The following THBS1 variants were observed in gnomAD, a reference collection of about 807,000 sequenced individuals.
THBS1 encodes thrombospondin-1.
A neutral mutation model predicts 126.1 loss-of-function variants in THBS1; 29 were observed. That is an observed-to-expected ratio of 0.23 (90% CI 0.17 to 0.31). The LOEUF is 0.31. THBS1 is among the 10% of genes least tolerant of loss of function. The probability of loss-of-function intolerance (pLI) is 1.00; values close to 1 mark genes in which losing one functional copy is unlikely to be tolerated. For synonymous variants in THBS1, 496 were observed against 577.8 expected, an observed-to-expected ratio of 0.86 and a Z score of 2.03; for missense variants, 1,198 against 1,545.2, an observed-to-expected ratio of 0.78 and a Z score of 3.77.
intron 7 of THBS1, among the ~76,000 whole-genome samples, chr15:39,586,256 T>A (rs747673634): frequency 2.6e-5 from 4 of 152,066 alleles, no homozygotes; most frequent in Non-Finnish European, 5.9e-5. Flanking sequence ...AAACACACCC[T>A]TGTCACAGCT....
Position 39,585,492 on chromosome 15 carries a change from A to C in THBS1, c.1049A>C (p.Lys350Thr). 1 of 1,614,182 alleles carries C rather than the reference A, an allele frequency of 6.2e-7. No individual in the cohort carries two copies. Residue 350 changes from lysine (K) to threonine (T), a missense_variant, in exon 7 of 22, where the codon AAG becomes ACG. Physicochemically the swap from Lys to Thr is moderately conservative, Grantham distance 78. Around this residue, in one of 4 missense-constraint regions of THBS1, gnomAD observed 663 missense variants for 860.1 expected, o/e 0.77. Coordinates refer to ENST00000260356, the MANE Select transcript of THBS1 (RefSeq NM_003246.4). ...CAGAACTCAGTTACCATCTGCAAAA[A>C]GGTGTCCTGCCCCATCATGCCCTGC... The part of the protein sequence containing the change: ...HCQNSVTICK[K>T]VSCPIMPCSN...
At chr15:39,591,443 A>T in intron 15 of THBS1, 62 bp from the exon 16 acceptor site, 3 of 1,609,614 alleles carry the variant, frequency 1.9e-6, no homozygotes, top group Non-Finnish European at 2.5e-6. Flanking sequence ...ATTAGTATGC[A>T]CTTTGGTGGA....
At position 39,589,945 on chromosome 15, in the gene THBS1, C is replaced by T. The variant is rs747173325; in HGVS notation, c.2067C>T (p.Cys689=). The change falls in exon 13 of 22, where the codon TGC becomes TGT. Residue 689 remains cysteine, a synonymous_variant. Coordinates refer to ENST00000260356, the MANE Select transcript of THBS1 (RefSeq NM_003246.4). This position sits in a 1 kb window ranked among gnomAD's most constrained non-coding sequence, Gnocchi z 4.7. ...KPGYAGNGII[C]GEDTDLDGWP... is the part of the protein sequence containing the mutation. The stretch of plus-strand genomic sequence containing the variant: ...GCTACGCTGGCAATGGCATCATCTG[C>T]GGGGAGGACACAGACCTGGATGGCT... The T allele has an allele frequency of 1.6e-5, 26 of 1,613,904 alleles. No homozygotes were observed. The highest frequency in any genetic ancestry group is 6.6e-5 in the South Asian group (6 of 91,042).
chr15:39,589,447 AC>A lies in THBS1; in HGVS notation c.1926+95del. On this transcript the variant is annotated intron_variant, in intron 12 of 21. Transcript: ENST00000260356. This position sits in a 1 kb window ranked among gnomAD's most constrained non-coding sequence, Gnocchi z 4.7. Reference sequence around the variant, plus strand: ...GGAGGAATGTAATTTCATACCCTTCACCAAAAAAAAAAGGGCGAGGAGATGA... The same window carrying A: ...GGAGGAATGTAATTTCATACCCTTCACAAAAAAAAAAGGGCGAGGAGATGA... 6.8e-7 allele frequency: 1 copy of A among 1,472,646 alleles called. No individual in the cohort carries two copies. The highest frequency in any genetic ancestry group is 2.4e-5 in the East Asian group (1 of 42,482). 91.2% of individuals were successfully genotyped at this position (1,472,646 alleles called of 1,614,324 possible).
Position 39,596,238 on chromosome 15 carries a change from C to A in THBS1, c.*869C>A. 6.0e-6 allele frequency: 1 copy of A among 166,592 alleles called. No individual in the cohort carries two copies. Among genetic ancestry groups the A allele is most frequent in the Non-Finnish European group, 1.3e-5 (1 of 76,664 alleles). 10.3% of individuals were successfully genotyped at this position (166,592 alleles called of 1,614,324 possible). ...AGCTGCCTCCCAAAGGAGGGGCAGC[C>A]GTGCTTATATTTTTATGGTTACAAT... On this transcript the variant is annotated 3_prime_UTR_variant, in exon 22 of 22. Coordinates refer to ENST00000260356, the MANE Select transcript of THBS1 (RefSeq NM_003246.4).
chr15:39,589,403 A>G lies in THBS1; in HGVS notation c.1926+49A>G. 1 of 1,601,694 alleles carries G rather than the reference A, an allele frequency of 6.2e-7. No individual in the cohort carries two copies. The highest frequency in any genetic ancestry group is 8.5e-7 in the Non-Finnish European group (1 of 1,173,120). On this transcript the variant is annotated intron_variant, in intron 12 of 21. Transcript: ENST00000260356. The surrounding 1 kb of genome is among the most constrained non-coding windows in gnomAD (Gnocchi z 4.7). ...CCAGAGGACAGGAGAGCTGTCCTTGACCAAAATAACTGGGAGCGGGAGGAA... is the reference window on the plus strand; with the variant it reads ...CCAGAGGACAGGAGAGCTGTCCTTGGCCAAAATAACTGGGAGCGGGAGGAA...
rs1890476575 is a variant in THBS1, at chr15:39,597,280, G to GGTTTTTTTTTTTTTTTTTTTTT, written c.*1911_*1912insGTTTTTTTTTTTTTTTTTTTTT. ...GTTGGTTTTTTCTTTTTTTTGTTTT[G>GGTTTTTTTTTTTTTTTTTTTTT]TTTTTTTTTTTTTTTTTTTTTGCTT... On this transcript the variant is annotated 3_prime_UTR_variant, in exon 22 of 22. Coordinates refer to ENST00000260356, the MANE Select transcript of THBS1 (RefSeq NM_003246.4). The GGTTTTTTTTTTTTTTTTTTTTT allele has an allele frequency of 4.2e-5, 2 of 48,044 alleles. No homozygotes were observed. The highest frequency in any genetic ancestry group is 7.9e-5 in the Non-Finnish European group (2 of 25,238). The allele number at this position is 48,044 out of a possible 1,614,324, so 3.0% of individuals were successfully genotyped here.
intron 15 of THBS1, 71 bp downstream of exon 15, chr15:39,591,421 C>T: frequency 6.2e-7 from 1 of 1,603,054 alleles, no homozygotes; most frequent in Non-Finnish European, 8.5e-7. Context: ...GTACTTCTGT[C>T]TAGTCCTGGC....
At position 39,595,694 on chromosome 15, in the gene THBS1, T is replaced by A; in HGVS notation, c.*325T>A. 2 of 537,532 alleles carry A rather than the reference T, an allele frequency of 3.7e-6. No homozygotes were observed. Among genetic ancestry groups the A allele is most frequent in the Non-Finnish European group, 7.1e-6 (2 of 280,306 alleles). 33.3% of individuals were successfully genotyped at this position (537,532 alleles called of 1,614,324 possible). A position where few individuals can be genotyped will look rare whatever the true frequency, so the allele number is the denominator to read the frequency against. On this transcript the variant is annotated 3_prime_UTR_variant, in exon 22 of 22. Transcript: ENST00000260356. ...GCCTTTGTCACAGAGCAGGGTGCTA[T>A]TGTGAGGCCATCTCTGAGCAGTGGA...
intron 14 of THBS1, chr15:39,590,862 A>T: frequency 5.5e-6 from 3 of 542,872 alleles, no homozygotes; most frequent in Non-Finnish European, 9.7e-6. Context: ...AGAAATTATA[A>T]TGCATAAACA....
At chr15:39,590,480 C>G (rs1034449470) in intron 13 of THBS1, 36 bp from the exon 14 acceptor site, 1 of 1,524,238 alleles carries the variant, frequency 6.6e-7, no homozygotes, top group African/African-American at 1.4e-5. Context: ...ATGAGGAAGG[C>G]AACTGAAGCA....
chr15:39,583,905 A>G, intron 4 of THBS1, 83 bp from the exon 5 acceptor site: 1 of 1,530,192 alleles, frequency 6.5e-7, no homozygotes, highest in Non-Finnish European at 8.9e-7. Context: ...TTCACACCAA[A>G]TGAAACGTCT....
chr15:39,592,873 A>T lies in THBS1; in HGVS notation c.2767+71A>T. On this transcript the variant is annotated intron_variant, in intron 17 of 21. Transcript: ENST00000260356. This position sits in a 1 kb window ranked among gnomAD's most constrained non-coding sequence, Gnocchi z 4.3. ...CTGTGTAGATTGAAGAAATGAAACC[A>T]AGGCTCAAAGCATTTGACAGGATGA... 1 of 1,561,372 alleles carries T rather than the reference A, an allele frequency of 6.4e-7. No homozygotes were observed. The highest frequency in any genetic ancestry group is 1.2e-5 in the South Asian group (1 of 85,310).
rs577659525 is a variant in THBS1, at chr15:39,593,988, C to G, written c.3268-111C>G. 2 of 1,203,036 alleles carry G rather than the reference C, an allele frequency of 1.7e-6. No homozygotes were observed. The highest frequency in any genetic ancestry group is 1.6e-5 in the South Asian group (1 of 64,424). The allele number at this position is 1,203,036 out of a possible 1,614,324, so 74.5% of individuals were successfully genotyped here. On this transcript the variant is annotated intron_variant, in intron 19 of 21. Transcript: ENST00000260356. The surrounding 1 kb of genome is among the most constrained non-coding windows in gnomAD (Gnocchi z 5.9). ...CTTGGAAAAATTCCCCATTGCAGCC[C>G]TCTAACTTAGATCAGCTCAGTACCT...
At position 39,589,287 on chromosome 15, in the gene THBS1, G is replaced by GC. The variant is rs1335707009; in HGVS notation, c.1865dup (p.Arg623ThrfsTer26). 3 of 1,614,110 alleles carry GC rather than the reference G, an allele frequency of 1.9e-6. No individual in the cohort carries two copies. The highest frequency in any genetic ancestry group is 1.7e-5 in the Admixed American group (1 of 60,012). ...GACCCCGGCTACAACTGCCTGCCCT[G>GC]CCCCCCACGCTTCACCGGCTCACAG... On this transcript the variant is annotated frameshift_variant, in exon 12 of 22. Coordinates refer to ENST00000260356, the MANE Select transcript of THBS1 (RefSeq NM_003246.4). LOFTEE classifies it high-confidence loss of function. The surrounding 1 kb of genome is among the most constrained non-coding windows in gnomAD (Gnocchi z 4.7).
rs1213106997 is a variant in THBS1 at position 39,596,899 on chromosome 15, T to G, written c.*1530T>G. The G allele has an allele frequency of 6.6e-6, 1 of 152,218 alleles. No individual in the cohort carries two copies. The highest frequency in any genetic ancestry group is 2.4e-5 in the African/African-American group (1 of 41,454). 9.4% of individuals were successfully genotyped at this position (152,218 alleles called of 1,614,324 possible). On this transcript the variant is annotated 3_prime_UTR_variant, in exon 22 of 22. Transcript: ENST00000260356. ...TACATACAAATATTACCTCATTTGT[T>G]GTGTGACTGAGTAAAGAATTTTTGG... is the stretch of plus-strand genomic sequence containing the variant.
rs1890227642 is a variant in THBS1, at chr15:39,587,357, T to C, written c.1131T>C (p.Ser377=). The change falls in exon 8 of 22, where the codon TCT becomes TCC. Residue 377 remains serine (S), a synonymous_variant. Transcript: ENST00000260356. Reference sequence around the variant, plus strand: ...CTGTTTCCCCTGCAGCCAGCGACTCTGCGGACGATGGCTGGTCTCCATGGT... The same window carrying C: ...CTGTTTCCCCTGCAGCCAGCGACTCCGCGGACGATGGCTGGTCTCCATGGT... ...ECCPRCWPSD[S]ADDGWSPWSE... is the part of the protein sequence containing the mutation. 1 of 1,612,458 alleles carries C rather than the reference T, an allele frequency of 6.2e-7. No individual in the cohort carries two copies. The highest frequency in any genetic ancestry group is 8.5e-7 in the Non-Finnish European group (1 of 1,179,076).
At chr15:39,587,220 T>C in intron 7 of THBS1, 127 bp from the exon 8 acceptor site, 2 of 910,944 alleles carry the variant, frequency 2.2e-6, no homozygotes, top group Non-Finnish European at 3.2e-6. Flanking sequence ...TATACCTCAG[T>C]AAAGCCAAAA....
At chr15:39,585,275 G>A (rs547804120) in intron 6 of THBS1, among the ~76,000 whole-genome samples, 195 bp from the exon 7 acceptor site, 7 of 152,318 alleles carry the variant, frequency 4.6e-5, no homozygotes, top group South Asian at 2.1e-4. Flanking sequence ...GGAGTGACAC[G>A]TAAACTAGCA....
Sources: gnomAD v4.1 joint callset for allele counts (sites outside exome capture counted in the v4.1 genomes callset) on GRCh38, gnomAD v4.1.1 for gene constraint, gnomAD v4.1.1 regional missense constraint, Gnocchi (gnomAD v3.1) non-coding constraint, MANE v1.5 for transcripts, NCBI Gene and HGNC (gene_info 2026-07-23, HGNC 2026-07-21) for gene names.